EVC: variants seen among roughly 807,000 people sequenced by gnomAD.
EVC encodes the protein evC complex member EVC.
In EVC, 116 loss-of-function variants were observed where a neutral mutation model predicts 118.9. The observed-to-expected ratio is 0.98, with a 90% CI of 0.84 to 1.14. The LOEUF is 1.14. EVC is among the 50% of genes most tolerant of loss of function. The pLI, the probability that EVC is intolerant of heterozygous loss-of-function variation, is 0.00. For synonymous variants in EVC, 619 were observed against 534.7 expected (o/e 1.16, Z -2.18); for missense variants, 1,401 against 1,246.4 (o/e 1.12, Z -1.87).
intron 1 of EVC, among the ~76,000 whole-genome samples, chr4:5,712,584 C>G (rs535602199): frequency 1.3e-5 from 2 of 152,268 alleles, no homozygotes; most frequent in African/African-American, 4.8e-5. Context: ...ATGGCGTGGT[C>G]TTGCTACCCC....
the EVC span, chr4:5,824,739 A>T: frequency 1.0e-6 from 1 of 985,346 alleles, no homozygotes; most frequent in Non-Finnish European, 1.2e-6. Context: ...TAAGAAAAAA[A>T]ATCACCATAC....
At position 5,811,351 on chromosome 4, in the gene EVC, A is replaced by G. The variant is rs1716883565; in HGVS notation, c.*314A>G. 2.6e-6 allele frequency: 1 copy of G among 382,284 alleles called. No individual in the cohort carries two copies. The highest frequency in any genetic ancestry group is 4.9e-6 in the Non-Finnish European group (1 of 202,318). 23.7% of individuals were successfully genotyped at this position (382,284 alleles called of 1,614,324 possible). ...TCTTGAGGGGTCCGAGCCTCAGGCC[A>G]AGGACCCCTGATGCAGACTCTGGAA... On this transcript the variant is annotated 3_prime_UTR_variant, in exon 21 of 21. Coordinates refer to ENST00000264956, the MANE Select transcript of EVC (RefSeq NM_153717.3).
In EVC at chr4:5,787,560, A is replaced by G. The variant is rs114356930; in HGVS notation, c.1776+3796A>G. Among the ~76,000 whole-genome samples the G allele has an allele frequency of 2.8e-3, 429 of 152,174 alleles. 1 individual carries two copies. The highest frequency in any genetic ancestry group is 9.3e-3 in the African/African-American group (387 of 41,506). ...GGCAAGAAAATGGATTCTGCCCCAGACCCTCGGGGAGGAGTGCAGACCTGC... is the reference window on the plus strand; with the variant it reads ...GGCAAGAAAATGGATTCTGCCCCAGGCCCTCGGGGAGGAGTGCAGACCTGC... On this transcript the variant is annotated intron_variant, in intron 12 of 20. Transcript: ENST00000264956.
At chr4:5,805,090 C>T (rs571041432) in intron 17 of EVC, among the ~76,000 whole-genome samples, 2 of 152,138 alleles carry the variant, frequency 1.3e-5, no homozygotes, top group African/African-American at 4.8e-5. Flanking sequence ...AAGTGGCATT[C>T]ACAGCCCGGA....
chr4:5,740,635 TAAG>T (rs924625292), intron 5 of EVC, among the ~76,000 whole-genome samples: 1 of 152,126 alleles, frequency 6.6e-6, no homozygotes, highest in African/African-American at 2.4e-5. Flanking sequence ...AAGACCTCTT[TAAG>T]AAGATGAGAA....
intron 13 of EVC, among the ~76,000 whole-genome samples, chr4:5,794,540 A>G (rs1713578864): frequency 1.3e-5 from 2 of 151,062 alleles, no homozygotes; most frequent in Non-Finnish European, 2.9e-5. Context: ...CCTCCCGAGT[A>G]GCTGGGATTA....
At chr4:5,744,754 C>T (rs755861364) in intron 6 of EVC, among the ~76,000 whole-genome samples, 9 of 152,158 alleles carry the variant, frequency 5.9e-5, no homozygotes, top group Non-Finnish European at 8.8e-5. Flanking sequence ...CTGATTGGCC[C>T]ATCACAAACA....
At chr4:5,714,896 T>G (rs1341190297) in intron 1 of EVC, among the ~76,000 whole-genome samples, 5 of 152,064 alleles carry the variant, frequency 3.3e-5, no homozygotes, top group Admixed American at 2.0e-4. Flanking sequence ...CTTTGACCTC[T>G]TGGGCTCAGG....
rs1577453733 is a variant in EVC, at chr4:5,756,275, G to T, written c.1476G>T (p.Glu492Asp). The T allele has an allele frequency of 6.2e-7, 1 of 1,612,572 alleles. No individual in the cohort carries two copies. Among genetic ancestry groups the T allele is most frequent in the Non-Finnish European group, 8.5e-7 (1 of 1,179,530 alleles). Reference protein sequence around the residue: ...DPEKFLEAFHEVLERQRLMQC... With the variant: ...DPEKFLEAFHDVLERQRLMQC... The stretch of plus-strand genomic sequence containing the variant: ...TGTTTTCCTCACAGGCTTTTCATGA[G>T]GTCCTGGAGAGGCAGAGGCTGATGC... The change falls in exon 11 of 21, where the codon GAG (glutamate) becomes GAT (aspartate). Residue 492 changes from glutamate (E) to aspartate (D), a missense_variant. Physicochemically the swap from Glu to Asp is conservative, Grantham distance 45. Coordinates refer to ENST00000264956, the MANE Select transcript of EVC (RefSeq NM_153717.3). The surrounding 1 kb of genome is among the most constrained non-coding windows in gnomAD (Gnocchi z 4.2).
chr4:5,804,027 G>C (rs112909270), intron 16 of EVC, among the ~76,000 whole-genome samples: 1 of 150,886 alleles, frequency 6.6e-6, no homozygotes, highest in East Asian at 2.0e-4. Flanking sequence ...TGCAACCTCT[G>C]CTTCCTGTGT....
At chr4:5,807,222 A>T (rs1716059608) in intron 17 of EVC, among the ~76,000 whole-genome samples, 1 of 152,176 alleles carries the variant, frequency 6.6e-6, no homozygotes, top group South Asian at 2.1e-4. Context: ...GGCCAGAGAT[A>T]CTTTAATGAA....
Position 5,756,237 on chromosome 4 carries a change from C to A in EVC, c.1465-27C>A, listed in dbSNP as rs200557270. ...AAAAAAAAACCCTGCATGTTTCTAC[C>A]AGACTCAGCTCTTGTTTTCCTCACA... On this transcript the variant is annotated intron_variant, in intron 10 of 20. Coordinates refer to ENST00000264956, the MANE Select transcript of EVC (RefSeq NM_153717.3). This position sits in a 1 kb window ranked among gnomAD's most constrained non-coding sequence, Gnocchi z 4.2. The A allele has an allele frequency of 1.0e-5, 16 of 1,557,042 alleles. No individual in the cohort carries two copies. In the Admixed American group the frequency reaches 2.3e-4, roughly 22 times the overall value.
chr4:5,750,721 A>T (rs1730218910), intron 8 of EVC, among the ~76,000 whole-genome samples: 2 of 152,234 alleles, frequency 1.3e-5, no homozygotes, highest in Admixed American at 6.5e-5. Context: ...GGAAGCATTC[A>T]GTACTTGTTA....
the EVC span, chr4:5,824,474 A>C: frequency 1.0e-6 from 1 of 985,224 alleles, no homozygotes; most frequent in South Asian, 4.7e-5. Context: ...ATCTGAATTC[A>C]CACGTCATCC....
intron 11 of EVC, among the ~76,000 whole-genome samples, chr4:5,759,511 G>A (rs980062614): frequency 6.6e-6 from 1 of 152,150 alleles, no homozygotes; most frequent in African/African-American, 2.4e-5. Context: ...ATGGGCGGCG[G>A]GGGTGGTTTC....
the EVC span, chr4:5,828,176 G>A: frequency 1.0e-6 from 1 of 985,428 alleles, no homozygotes; most frequent in South Asian, 4.7e-5. Flanking sequence ...GGGTGGGCAG[G>A]ATTACTTAAG....
At chr4:5,794,144 A>G (rs1448076627) in intron 13 of EVC, among the ~76,000 whole-genome samples, 1 of 150,376 alleles carries the variant, frequency 6.6e-6, no homozygotes, top group Non-Finnish European at 1.5e-5. Context: ...TTCATTTTTC[A>G]CATTTTTGCT....
intron 2 of EVC, among the ~76,000 whole-genome samples, chr4:5,720,395 C>T (rs1261616489): frequency 6.6e-6 from 1 of 152,186 alleles, no homozygotes; most frequent in Non-Finnish European, 1.5e-5. Context: ...AGTCCCGCAG[C>T]TGGGGGAGTA....
At chr4:5,748,599 TCCAC>T (rs1180396122) in intron 8 of EVC, among the ~76,000 whole-genome samples, 1 of 100,034 alleles carries the variant, frequency 1.0e-5, no homozygotes, top group South Asian at 3.7e-4. Flanking sequence ...CATCCATCCA[TCCAC>T]CCATCCATCC....
Sources: gnomAD v4.1 joint callset for allele counts (sites outside exome capture counted in the v4.1 genomes callset) on GRCh38, gnomAD v4.1.1 for gene constraint, Gnocchi (gnomAD v3.1) non-coding constraint, MANE v1.5 for transcripts, NCBI Gene and HGNC (gene_info 2026-07-23, HGNC 2026-07-21) for gene names.